KCNH1: variants seen among roughly 807,000 people sequenced by gnomAD.
The protein encoded by KCNH1 is voltage-gated delayed rectifier potassium channel KCNH1.
A neutral mutation model predicts 69.2 loss-of-function variants in KCNH1; 27 were observed. That is an observed-to-expected ratio of 0.39 (90% CI 0.29 to 0.54). The LOEUF (loss-of-function observed/expected upper bound fraction) is 0.54. KCNH1 is among the 20% of genes least tolerant of loss of function. The probability of loss-of-function intolerance (pLI) is 0.68; values close to 1 mark genes in which losing one functional copy is unlikely to be tolerated. For synonymous variants in KCNH1, 456 were observed against 487.7 expected (o/e 0.93, Z 0.86); for missense variants, 798 against 1,261.6 (o/e 0.63, Z 5.57).
At chr1:210,999,559 G>A (rs1311749290) in intron 6 of KCNH1, among the ~76,000 whole-genome samples, 2 of 152,066 alleles carry the variant, frequency 1.3e-5, no homozygotes, top group Admixed American at 6.6e-5. Context: ...GACCAGATGG[G>A]TTCACAGCCA....
Position 210,988,431 on chromosome 1 carries a change from CT to C in KCNH1, c.1032+30351del, listed in dbSNP as rs1558556395. 4.6e-5 allele frequency among the ~76,000 whole-genome samples: 7 copies of C among 152,104 alleles called. No individual in the cohort carries two copies. The South Asian group carries it at 1.0e-3, about 23-fold the overall frequency. ...TATTCAGCCATCTTGGCTCCTCCCC[CT>C]ATGCGAGAATACTTAAAGCTTTATT... is the stretch of plus-strand genomic sequence containing the variant. On this transcript the variant is annotated intron_variant, in intron 6 of 10. Transcript: ENST00000271751.
At chr1:210,788,863 A>AT (rs1426673943) in intron 9 of KCNH1, among the ~76,000 whole-genome samples, 2 of 146,806 alleles carry the variant, frequency 1.4e-5, no homozygotes, top group African/African-American at 2.6e-5. Context: ...CGCCCGGCTA[A>AT]TTTTTTGTAT....
Position 210,979,684 on chromosome 1 carries a change from A to C in KCNH1, c.1032+39099T>G, listed in dbSNP as rs181314866. Among the ~76,000 whole-genome samples the C allele has an allele frequency of 1.2e-4, 19 of 152,284 alleles. No individual in the cohort carries two copies. In the East Asian group the frequency reaches 3.5e-3, roughly 28 times the overall value. ...TCAGGAGCTTTTTATTTCAAGCATTAGAGTGTTTTCTGGTCTTTGAAGCCT... is the reference window on the plus strand; with the variant it reads ...TCAGGAGCTTTTTATTTCAAGCATTCGAGTGTTTTCTGGTCTTTGAAGCCT... On this transcript the variant is annotated intron_variant, in intron 6 of 10. Transcript: ENST00000271751.
intron 7 of KCNH1, among the ~76,000 whole-genome samples, chr1:210,804,473 C>T (rs542228035): frequency 1.4e-4 from 21 of 152,240 alleles, no homozygotes; most frequent in Non-Finnish European, 2.4e-4. Flanking sequence ...CAGTGGGTTG[C>T]GGGGGCGGGG....
chr1:211,075,985 C>G (rs1297765460), intron 5 of KCNH1, among the ~76,000 whole-genome samples: 1 of 152,220 alleles, frequency 6.6e-6, no homozygotes, highest in Non-Finnish European at 1.5e-5. Context: ...ACTGCGAGCA[C>G]AGCAGTCTGA....
intron 9 of KCNH1, among the ~76,000 whole-genome samples, chr1:210,795,382 A>G (rs1226302450): frequency 2.6e-5 from 4 of 152,130 alleles, no homozygotes; most frequent in Non-Finnish European, 5.9e-5. Flanking sequence ...CGTGGACCCA[A>G]GAGATCCACC....
intron 10 of KCNH1, among the ~76,000 whole-genome samples, chr1:210,742,960 T>C (rs948440485): frequency 6.6e-6 from 1 of 151,820 alleles, no homozygotes; most frequent in African/African-American, 2.4e-5. Flanking sequence ...GTCCAAAAAA[T>C]GTATTCCAGC....
intron 6 of KCNH1, among the ~76,000 whole-genome samples, chr1:210,929,719 T>C (rs184944746): frequency 6.4e-4 from 98 of 152,236 alleles, no homozygotes; most frequent in Middle Eastern, 6.8e-3. Context: ...TCCGAATCAA[T>C]ACAGAGGGAC....
At chr1:211,060,926 AGAG>A (rs768929117) in intron 5 of KCNH1, among the ~76,000 whole-genome samples, 7 of 152,316 alleles carry the variant, frequency 4.6e-5, no homozygotes, top group East Asian at 1.9e-4. Flanking sequence ...CCCAAAAAAT[AGAG>A]GAGAAGGAAA....
chr1:210,947,386 G>A (rs1231875117), intron 6 of KCNH1, among the ~76,000 whole-genome samples: 8 of 151,914 alleles, frequency 5.3e-5, no homozygotes, highest in East Asian at 1.9e-4. Flanking sequence ...TGGTGAACAC[G>A]GTGAAACCCT....
chr1:210,694,303 GTACCAGCTGCACACTTATCTCCTCT>G (rs1432935866), intron 10 of KCNH1, among the ~76,000 whole-genome samples: 2 of 152,070 alleles, frequency 1.3e-5, no homozygotes, highest in African/African-American at 4.8e-5. Context: ...CGGTGCCAGT[GTACCAGCTGCACACTTATCTCCTCT>G]TACCAGCTAC....
chr1:210,935,820 T>C (rs745966455), intron 6 of KCNH1, among the ~76,000 whole-genome samples: 6 of 152,210 alleles, frequency 3.9e-5, no homozygotes, highest in Non-Finnish European at 7.3e-5. Context: ...CCGGAGAGAA[T>C]GCGTTGGTAA....
intron 6 of KCNH1, among the ~76,000 whole-genome samples, chr1:210,976,622 T>C (rs1000491891): frequency 3.4e-5 from 5 of 146,080 alleles, no homozygotes; most frequent in Non-Finnish European, 7.5e-5. Context: ...CAAAGGATTA[T>C]AAATCATGCT....
intron 1 of KCNH1, among the ~76,000 whole-genome samples, chr1:211,129,716 A>G (rs966751431): frequency 1.3e-5 from 2 of 152,232 alleles, no homozygotes; most frequent in Non-Finnish European, 2.9e-5. Flanking sequence ...AAATATTACC[A>G]TGGCTCAAAA....
intron 10 of KCNH1, among the ~76,000 whole-genome samples, chr1:210,762,905 G>T (rs1359534224): frequency 1.3e-5 from 2 of 151,826 alleles, no homozygotes; most frequent in African/African-American, 2.4e-5. Flanking sequence ...CCAAAATCTG[G>T]CAAAGACACA....
chr1:211,005,795 T>C (rs1472705322), intron 6 of KCNH1, among the ~76,000 whole-genome samples: 1 of 151,792 alleles, frequency 6.6e-6, no homozygotes, highest in Non-Finnish European at 1.5e-5. Flanking sequence ...AAAGAGAAAA[T>C]AGGAAAAACA....
In KCNH1 at chr1:210,823,545, A is replaced by G. The variant is rs371472747; in HGVS notation, c.1463-19379T>C. ...CTCTTTCTTGCTTAAAACCCTCCAA[A>G]TTCTCTCTTACTAGAGAACAGAGTC... is the stretch of plus-strand genomic sequence containing the variant. On this transcript the variant is annotated intron_variant, in intron 7 of 10. Coordinates refer to ENST00000271751, the MANE Select transcript of KCNH1 (RefSeq NM_172362.3). 7.2e-5 allele frequency among the ~76,000 whole-genome samples: 11 copies of G among 152,284 alleles called. No individual in the cohort carries two copies. In the East Asian group the frequency reaches 7.7e-4, roughly 11 times the overall value.
chr1:210,864,228 G>C (rs142843761), intron 7 of KCNH1, among the ~76,000 whole-genome samples: 1 of 152,198 alleles, frequency 6.6e-6, no homozygotes, highest in Admixed American at 6.5e-5. Context: ...ATTGAGCCAG[G>C]TGTGACCCCA....
At chr1:211,068,104 T>A (rs1053560414) in intron 5 of KCNH1, among the ~76,000 whole-genome samples, 4 of 152,240 alleles carry the variant, frequency 2.6e-5, no homozygotes, top group Non-Finnish European at 1.5e-5. Flanking sequence ...GAAAACAACA[T>A]GTGCAATCTA....
Sources: gnomAD v4.1 joint callset for allele counts (sites outside exome capture counted in the v4.1 genomes callset) on GRCh38, gnomAD v4.1.1 for gene constraint, MANE v1.5 for transcripts, NCBI Gene and HGNC (gene_info 2026-07-23, HGNC 2026-07-21) for gene names.